Variants in SLITRK4 observed in about 807,000 individuals in gnomAD.
The protein encoded by SLITRK4 is SLIT and NTRK-like protein 4.
Under a neutral mutation model 34.7 loss-of-function variants are expected in SLITRK4, and 7 were observed. The observed-to-expected ratio is 0.20, with a 90% CI of 0.11 to 0.38. SLITRK4 has a LOEUF of 0.38. SLITRK4 is among the 10% of genes least tolerant of loss of function. The probability of loss-of-function intolerance (pLI) is 1.00; values close to 1 mark genes in which losing one functional copy is unlikely to be tolerated. For synonymous variants in SLITRK4, 237 were observed against 246.2 expected, an observed-to-expected ratio of 0.96 and a Z score of 0.35; for missense variants, 474 against 607.0, an observed-to-expected ratio of 0.78 and a Z score of 2.30.
chrX:143,626,645 A>C lies in SLITRK4; in HGVS notation c.*1950T>G, dbSNP rs943305147. On this transcript the variant is annotated 3_prime_UTR_variant, in exon 2 of 2. Coordinates refer to ENST00000356928, the MANE Select transcript of SLITRK4 (RefSeq NM_001184749.3). The stretch of plus-strand genomic sequence containing the variant: ...TAATAAAGGAACAGCTACTGCAACT[A>C]TAAACATAGTATCATTTTGGAAGCT... 1 of 108,926 alleles carries C rather than the reference A, an allele frequency of 9.2e-6. No homozygotes were observed. Among genetic ancestry groups the C allele is most frequent in the Non-Finnish European group, 1.9e-5 (1 of 52,365 alleles). 9.0% of individuals were successfully genotyped at this position (108,926 alleles called of 1,213,427 possible).
In SLITRK4 at chrX:143,624,617, A is replaced by ATC. The variant is rs1332509943; in HGVS notation, c.*3976_*3977dup. The ATC allele has an allele frequency of 9.0e-6, 1 of 111,512 alleles. No individual in the cohort carries two copies. The highest frequency in any genetic ancestry group is 3.2e-5 in the African/African-American group (1 of 30,815). 9.2% of individuals were successfully genotyped at this position (111,512 alleles called of 1,213,427 possible). A position where few individuals can be genotyped will look rare whatever the true frequency, so the allele number is the denominator to read the frequency against. On this transcript the variant is annotated 3_prime_UTR_variant, in exon 2 of 2. Transcript: ENST00000356928. ...GGCTAAAGCTATATCTTACCCTCAA[A>ATC]TCTGGGTGAAATGATCAGTTTGGTT...
chrX:143,630,582 C>T lies in SLITRK4; in HGVS notation c.527G>A (p.Arg176Gln). ...ATCCAGATGGGTCAAAGATGCGAAT[C>T]GGAAAATATTATCAGGAAGGAATGA... is the stretch of plus-strand genomic sequence containing the variant. Reference protein sequence around the residue: ...LISFLPDNIFRFASLTHLDIR... With the variant: ...LISFLPDNIFQFASLTHLDIR... The change falls in exon 2 of 2, where the codon CGA becomes CAA. Residue 176 changes from arginine (R) to glutamine (Q), a missense_variant. By Grantham distance (43) the Arg-to-Gln change is conservative. Around this residue, in one of 3 missense-constraint regions of SLITRK4, gnomAD observed 45 missense variants for 99.2 expected, o/e 0.45. Transcript: ENST00000356928. 3 of 1,210,932 alleles carry T rather than the reference C, an allele frequency of 2.5e-6. No individual in the cohort carries two copies. Among genetic ancestry groups the T allele is most frequent in the Non-Finnish European group, 2.2e-6 (2 of 895,347 alleles).
chrX:143,631,902 G>C (rs1931051792), intron 1 of SLITRK4, among the ~76,000 whole-genome samples: 1 of 111,997 alleles, frequency 8.9e-6, no homozygotes, highest in Non-Finnish European at 1.9e-5. Context: ...TTTCCTGTCA[G>C]TCATCTCCCA....
rs782798661 is a variant in SLITRK4, at chrX:143,626,968, G to GAATA, written c.*1623_*1626dup. 1.6e-4 allele frequency: 17 copies of GAATA among 107,331 alleles called. No individual in the cohort carries two copies. The highest frequency in any genetic ancestry group is 5.7e-4 in the African/African-American group (17 of 29,636). 8.8% of individuals were successfully genotyped at this position (107,331 alleles called of 1,213,427 possible). On this transcript the variant is annotated 3_prime_UTR_variant, in exon 2 of 2. Coordinates refer to ENST00000356928, the MANE Select transcript of SLITRK4 (RefSeq NM_001184749.3). ...CAGGCCAAGAAGACAATGTGTTTCT[G>GAATA]AATATCACTTTGTTAATCGGGAGCT...
Position 143,629,906 on chromosome X carries a change from T to C in SLITRK4, c.1203A>G (p.Glu401=). The C allele has an allele frequency of 8.3e-7, 1 of 1,211,884 alleles. No homozygotes were observed. The highest frequency in any genetic ancestry group is 1.8e-5 in the South Asian group (1 of 56,958). The change falls in exon 2 of 2, where the codon GAA becomes GAG. Residue 401 remains glutamate (E), a synonymous_variant. Transcript: ENST00000356928. ...DVDVSDFTDF[E]GLDLLHLGSN... ...TGCCTAAATGAAGCAAATCCAGTCC[T>C]TCAAAGTCAGTGAAGTCTGATACGT...
In SLITRK4 at chrX:143,625,242, A is replaced by G. The variant is rs1930747817; in HGVS notation, c.*3353T>C. The G allele has an allele frequency of 9.0e-6, 1 of 111,377 alleles. No individual in the cohort carries two copies. The highest frequency in any genetic ancestry group is 3.3e-5 in the African/African-American group (1 of 30,768). 9.2% of individuals were successfully genotyped at this position (111,377 alleles called of 1,213,427 possible). A position where few individuals can be genotyped will look rare whatever the true frequency, so the allele number is the denominator to read the frequency against. The stretch of plus-strand genomic sequence containing the variant: ...GGTCTTAAATAAATTTCTAATTCAT[A>G]TATTTTTTCAGTCTATTCAGAATGA... On this transcript the variant is annotated 3_prime_UTR_variant, in exon 2 of 2. Transcript: ENST00000356928.
At chrX:143,635,010 C>CAGCAGGCG (rs1345503222) in intron 1 of SLITRK4, 4 of 108,908 alleles carry the variant, frequency 3.7e-5, no homozygotes, top group African/African-American at 1.3e-4. Flanking sequence ...GGAGCAGCCC[C>CAGCAGGCG]AGCAGGCGAG....
Position 143,627,279 on chromosome X carries a change from C to T in SLITRK4, c.*1316G>A, listed in dbSNP as rs1360230801. On this transcript the variant is annotated 3_prime_UTR_variant, in exon 2 of 2. Coordinates refer to ENST00000356928, the MANE Select transcript of SLITRK4 (RefSeq NM_001184749.3). ...AACCTTATTCATTATTTTTTAAATA[C>T]TTGTAGCGAAAACTATTTGAATTAA... 1.8e-5 allele frequency: 2 copies of T among 109,376 alleles called. No individual in the cohort carries two copies. The highest frequency in any genetic ancestry group is 6.6e-5 in the African/African-American group (2 of 30,131). 9.0% of individuals were successfully genotyped at this position (109,376 alleles called of 1,213,427 possible). A position where few individuals can be genotyped will look rare whatever the true frequency, so the allele number is the denominator to read the frequency against.
At position 143,626,341 on chromosome X, in the gene SLITRK4, C is replaced by A. The variant is rs184476854; in HGVS notation, c.*2254G>T. Reference sequence around the variant, plus strand: ...TGTCTTTTCTTTCAAGATCAGAAAGCAATTATTTGTTTGAATTATTTTATA... The same window carrying A: ...TGTCTTTTCTTTCAAGATCAGAAAGAAATTATTTGTTTGAATTATTTTATA... On this transcript the variant is annotated 3_prime_UTR_variant, in exon 2 of 2. Coordinates refer to ENST00000356928, the MANE Select transcript of SLITRK4 (RefSeq NM_001184749.3). 1 of 111,044 alleles carries A rather than the reference C, an allele frequency of 9.0e-6. No individual in the cohort carries two copies. The highest frequency in any genetic ancestry group is 1.9e-5 in the Non-Finnish European group (1 of 52,704). The allele number at this position is 111,044 out of a possible 1,213,427, so 9.2% of individuals were successfully genotyped here.
chrX:143,633,259 A>C (rs1931107758), intron 1 of SLITRK4, among the ~76,000 whole-genome samples: 1 of 110,195 alleles, frequency 9.1e-6, no homozygotes, highest in Admixed American at 9.7e-5. Flanking sequence ...AGAGGAAAAG[A>C]GGTACTGAAA....
Position 143,628,224 on chromosome X carries a change from C to T in SLITRK4, c.*371G>A, listed in dbSNP as rs1402527470. 7 of 278,875 alleles carry T rather than the reference C, an allele frequency of 2.5e-5. No homozygotes were observed. The highest frequency in any genetic ancestry group is 3.7e-5 in the Non-Finnish European group (6 of 162,709). The allele number at this position is 278,875 out of a possible 1,213,427, so 23.0% of individuals were successfully genotyped here. On this transcript the variant is annotated 3_prime_UTR_variant, in exon 2 of 2. Coordinates refer to ENST00000356928, the MANE Select transcript of SLITRK4 (RefSeq NM_001184749.3). The stretch of plus-strand genomic sequence containing the variant: ...CTTAATCTACGTGCAAGATAAAGGA[C>T]CCAGCTGGTACAGGTGTACCAGTTT...
intron 1 of SLITRK4, among the ~76,000 whole-genome samples, chrX:143,633,174 G>A (rs781986558): frequency 1.8e-5 from 2 of 110,289 alleles, no homozygotes; most frequent in African/African-American, 3.3e-5. Flanking sequence ...TGCAGCTCTT[G>A]TGAAACAGAG....
At position 143,627,287 on chromosome X, in the gene SLITRK4, G is replaced by A. The variant is rs1556425658; in HGVS notation, c.*1308C>T. 2 of 109,123 alleles carry A rather than the reference G, an allele frequency of 1.8e-5. No individual in the cohort carries two copies. The highest frequency in any genetic ancestry group is 3.8e-5 in the Non-Finnish European group (2 of 52,444). 9.0% of individuals were successfully genotyped at this position (109,123 alleles called of 1,213,427 possible). ...TCATTATTTTTTAAATACTTGTAGC[G>A]AAAACTATTTGAATTAAGCTCATAG... On this transcript the variant is annotated 3_prime_UTR_variant, in exon 2 of 2. Coordinates refer to ENST00000356928, the MANE Select transcript of SLITRK4 (RefSeq NM_001184749.3).
Position 143,630,634 on chromosome X carries a change from C to T in SLITRK4, c.475G>A (p.Val159Ile). 1 of 1,211,334 alleles carries T rather than the reference C, an allele frequency of 8.3e-7. No homozygotes were observed. Among genetic ancestry groups the T allele is most frequent in the Non-Finnish European group, 1.1e-6 (1 of 895,228 alleles). ...ATCAGATTGTCATTAAGAATGAGAA[C>T]TTTCAGTTTGTGGAGCTTATTGAAG... ...GAFNKLHKLK[V>I]LILNDNLISF... is the part of the protein sequence containing the mutation. The change falls in exon 2 of 2, where the codon GTT becomes ATT. Residue 159 changes from valine (V) to isoleucine (I), a missense_variant. By Grantham distance (29) the Val-to-Ile change is conservative. Coordinates refer to ENST00000356928, the MANE Select transcript of SLITRK4 (RefSeq NM_001184749.3).
chrX:143,628,805 C>A lies in SLITRK4; in HGVS notation c.2304G>T (p.Glu768Asp). ...FIQNFLESKKEYNSIGVSGFE... is the reference protein window; with the variant it reads ...FIQNFLESKKDYNSIGVSGFE... The stretch of plus-strand genomic sequence containing the variant: ...AGCCACTGACACCTATGCTATTATA[C>A]TCCTTTTTGCTTTCAAGAAAATTCT... The change falls in exon 2 of 2, where the codon GAG becomes GAT. Residue 768 changes from glutamate (E) to aspartate (D), a missense_variant. Transcript: ENST00000356928. 1 of 1,210,259 alleles carries A rather than the reference C, an allele frequency of 8.3e-7. No homozygotes were observed. The highest frequency in any genetic ancestry group is 2.2e-5 in the Admixed American group (1 of 45,942).
chrX:143,631,845 G>A (rs1345308678), intron 1 of SLITRK4, among the ~76,000 whole-genome samples: 1 of 111,436 alleles, frequency 9.0e-6, no homozygotes, highest in Non-Finnish European at 1.9e-5. Flanking sequence ...AAACAACTGA[G>A]TAAGGGATGG....
chrX:143,627,871 A>G lies in SLITRK4; in HGVS notation c.*724T>C, dbSNP rs1380945658. On this transcript the variant is annotated 3_prime_UTR_variant, in exon 2 of 2. Coordinates refer to ENST00000356928, the MANE Select transcript of SLITRK4 (RefSeq NM_001184749.3). ...TAAACGTCACATATTTCTTCAGATC[A>G]TCACAAATGCTATCTAACTCACGTT... 5 of 138,904 alleles carry G rather than the reference A, an allele frequency of 3.6e-5. No individual in the cohort carries two copies. The highest frequency in any genetic ancestry group is 7.0e-5 in the Non-Finnish European group (5 of 71,155). The allele number at this position is 138,904 out of a possible 1,213,427, so 11.4% of individuals were successfully genotyped here. A position where few individuals can be genotyped will look rare whatever the true frequency, so the allele number is the denominator to read the frequency against.
At position 143,630,270 on chromosome X, in the gene SLITRK4, A is replaced by G; in HGVS notation, c.839T>C (p.Leu280Pro). The G allele has an allele frequency of 2.5e-6, 3 of 1,211,969 alleles. No homozygotes were observed. The highest frequency in any genetic ancestry group is 3.3e-6 in the Non-Finnish European group (3 of 895,567). The change falls in exon 2 of 2, where the codon CTG becomes CCG. Residue 280 changes from leucine to proline, a missense_variant. Leu to Pro is a moderately conservative substitution (Grantham distance 98). This residue lies in a region of SLITRK4 where 345 missense variants were observed against 406.5 expected (regional missense o/e 0.85). Transcript: ENST00000356928. The stretch of plus-strand genomic sequence containing the variant: ...ATTGGGAGTGGTGTAGCCATTTTCC[A>G]GCTGAGATGGAGGCAGGATGCGCAC... ...FDVRILPPSQLENGYTTPNGH... is the reference protein window; with the variant it reads ...FDVRILPPSQPENGYTTPNGH...
chrX:143,634,849 T>C (rs1032542720), intron 1 of SLITRK4: 2 of 109,961 alleles, frequency 1.8e-5, no homozygotes, highest in Non-Finnish European at 3.8e-5. Flanking sequence ...TCGGTGCAGC[T>C]TGTGCAGCCC....
Sources: gnomAD v4.1 joint callset for allele counts (sites outside exome capture counted in the v4.1 genomes callset) on GRCh38, gnomAD v4.1.1 for gene constraint, gnomAD v4.1.1 regional missense constraint, MANE v1.5 for transcripts, NCBI Gene and HGNC (gene_info 2026-07-23, HGNC 2026-07-21) for gene names.